The following NRXN3 variants were observed in gnomAD, a reference collection of about 807,000 sequenced individuals.
The protein encoded by NRXN3 is neurexin III.
NRXN3 carries 32 observed loss-of-function variants against 137.6 expected under a neutral mutation model. The observed-to-expected ratio is 0.23, with a 90% CI of 0.18 to 0.31. The LOEUF (loss-of-function observed/expected upper bound fraction) is 0.31. NRXN3 is among the 10% of genes least tolerant of loss of function. The pLI, the probability that NRXN3 is intolerant of heterozygous loss-of-function variation, is 1.00. For synonymous variants in NRXN3, 798 were observed against 784.5 expected, an observed-to-expected ratio of 1.02 and a Z score of -0.29; for missense variants, 1,574 against 2,062.5, an observed-to-expected ratio of 0.76 and a Z score of 4.59.
At chr14:78,508,601 G>GTAA (rs975759063) in intron 4 of NRXN3, among the ~76,000 whole-genome samples, 10 of 152,108 alleles carry the variant, frequency 6.6e-5, no homozygotes, top group African/African-American at 2.4e-4. Context: ...GCACACTGAA[G>GTAA]TAAGTATTAA....
chr14:79,856,850 G>C (rs1217057179), intron 20 of NRXN3, among the ~76,000 whole-genome samples: 1 of 152,030 alleles, frequency 6.6e-6, no homozygotes, highest in Non-Finnish European at 1.5e-5. Context: ...TATCTCTAAT[G>C]ATCTCTCTAG....
intron 16 of NRXN3, among the ~76,000 whole-genome samples, chr14:79,623,537 G>A (rs2098247365): frequency 6.6e-6 from 1 of 152,164 alleles, no homozygotes; most frequent in Non-Finnish European, 1.5e-5. Context: ...ATATGAGCAT[G>A]GGATGGTATT....
At chr14:78,693,750 C>T (rs959555512) in intron 6 of NRXN3, among the ~76,000 whole-genome samples, 1 of 146,228 alleles carries the variant, frequency 6.8e-6, no homozygotes, top group Non-Finnish European at 1.5e-5. Flanking sequence ...TATGTGACCA[C>T]CAGATTAATC....
At chr14:78,995,927 C>T (rs1205690000) in intron 15 of NRXN3, among the ~76,000 whole-genome samples, 1 of 152,098 alleles carries the variant, frequency 6.6e-6, no homozygotes, top group African/African-American at 2.4e-5. Context: ...TTCTATGGAA[C>T]ATCTGTGCTG....
chr14:79,343,287 G>GC (rs1429876783), intron 15 of NRXN3, among the ~76,000 whole-genome samples: 1 of 152,244 alleles, frequency 6.6e-6, no homozygotes, highest in African/African-American at 2.4e-5. Flanking sequence ...TTGGGAAAGG[G>GC]CTTTTATCGT....
At position 78,175,032 on chromosome 14, in the gene NRXN3, G is replaced by T. The variant is rs79489452; in HGVS notation, c.-704+4358G>T. 3.6e-3 allele frequency among the ~76,000 whole-genome samples: 549 copies of T among 152,318 alleles called. 29 individuals are homozygous for T. In the East Asian group the frequency reaches 0.093, roughly 26 times the overall value. On this transcript the variant is annotated intron_variant, in intron 1 of 20. Coordinates refer to ENST00000335750, the MANE Select transcript of NRXN3 (RefSeq NM_001330195.2). ...TTGTTGGAGGCTGCAGCCTGAAGGA[G>T]CTGAAATCACCCTCGGCCGTGAGAG...
chr14:78,558,243 C>T (rs1056897152), intron 4 of NRXN3, among the ~76,000 whole-genome samples: 11 of 152,218 alleles, frequency 7.2e-5, no homozygotes, highest in Admixed American at 5.9e-4. Context: ...GTGACTTCAG[C>T]ACTCCCTTCC....
rs1345749369 is a variant in NRXN3 at position 78,994,365 on chromosome 14, C to A, written c.3262+6224C>A. On this transcript the variant is annotated intron_variant, in intron 15 of 20. Transcript: ENST00000335750. ...TTGCCCTGCTTTGTTTGGTTTAACA[C>A]TATAGGCTATGCATTTTTCAAGATA... Among the ~76,000 whole-genome samples the A allele has an allele frequency of 2.6e-5, 4 of 152,094 alleles. No individual in the cohort carries two copies. In the East Asian group the frequency reaches 7.7e-4, roughly 29 times the overall value.
At chr14:79,010,543 A>G (rs892293584) in intron 15 of NRXN3, among the ~76,000 whole-genome samples, 1 of 152,230 alleles carries the variant, frequency 6.6e-6, no homozygotes, top group Non-Finnish European at 1.5e-5. Context: ...AGAGGAGGGT[A>G]TATCGATCCT....
At chr14:79,462,605 CTATA>C (rs893112015) in intron 15 of NRXN3, among the ~76,000 whole-genome samples, 7 of 147,956 alleles carry the variant, frequency 4.7e-5, no homozygotes, top group East Asian at 2.0e-4. Flanking sequence ...ACTTAATTAG[CTATA>C]TATATATATA....
intron 16 of NRXN3, among the ~76,000 whole-genome samples, chr14:79,468,696 C>T (rs979748528): frequency 6.6e-6 from 1 of 152,208 alleles, no homozygotes; most frequent in African/African-American, 2.4e-5. Flanking sequence ...CTGACACTTG[C>T]TCTTCCAGCA....
intron 15 of NRXN3, among the ~76,000 whole-genome samples, chr14:79,229,267 T>C (rs939562132): frequency 1.3e-5 from 2 of 152,204 alleles, no homozygotes; most frequent in African/African-American, 4.8e-5. Context: ...TTAAAATCAG[T>C]TTAATTAGGG....
At chr14:79,423,038 A>G (rs939100975) in intron 15 of NRXN3, among the ~76,000 whole-genome samples, 2 of 152,024 alleles carry the variant, frequency 1.3e-5, no homozygotes, top group Non-Finnish European at 2.9e-5. Context: ...TTTGATTTTT[A>G]AACAGAATGG....
chr14:79,280,441 G>A, intron 15 of NRXN3: 2 of 1,614,074 alleles, frequency 1.2e-6, no homozygotes, highest in Non-Finnish European at 1.7e-6. Flanking sequence ...CCTCGCCGGG[G>A]TCTCACTCTC....
At chr14:79,629,873 A>G (rs2098326706) in intron 16 of NRXN3, among the ~76,000 whole-genome samples, 1 of 151,828 alleles carries the variant, frequency 6.6e-6, no homozygotes, top group South Asian at 2.1e-4. Flanking sequence ...CAGTGGCTTG[A>G]AGGTAGCAGC....
chr14:78,674,840 A>C (rs2097983597), intron 6 of NRXN3, among the ~76,000 whole-genome samples: 1 of 152,228 alleles, frequency 6.6e-6, no homozygotes, highest in Non-Finnish European at 1.5e-5. Context: ...CTTGGTTGAA[A>C]GTATCCACAG....
chr14:79,805,339 C>A (rs45488797), intron 20 of NRXN3, 149 bp downstream of exon 20: 1 of 360,274 alleles, frequency 2.8e-6, no homozygotes. Context: ...TATAAGTATA[C>A]ATATATAAAT....
chr14:79,267,885 A>C (rs527392804), intron 15 of NRXN3, among the ~76,000 whole-genome samples: 1 of 152,332 alleles, frequency 6.6e-6, no homozygotes, highest in Admixed American at 6.5e-5. Context: ...CTGATTCTTC[A>C]GTATGTGGAC....
At chr14:78,938,906 G>A (rs998077533) in intron 10 of NRXN3, among the ~76,000 whole-genome samples, 1 of 147,232 alleles carries the variant, frequency 6.8e-6, no homozygotes, top group Non-Finnish European at 1.5e-5. Flanking sequence ...GTGCAGTGGC[G>A]CAATCTCGGC....
Sources: gnomAD v4.1 joint callset for allele counts (sites outside exome capture counted in the v4.1 genomes callset) on GRCh38, gnomAD v4.1.1 for gene constraint, MANE v1.5 for transcripts, NCBI Gene and HGNC (gene_info 2026-07-23, HGNC 2026-07-21) for gene names.